Variants in NPHS2 observed in about 807,000 individuals in gnomAD.
NPHS2 encodes NPHS2 stomatin family member, podocin.
Under a neutral mutation model 37.1 loss-of-function variants are expected in NPHS2, and 36 were observed. The ratio of observed to expected loss-of-function variants is 0.97; its 90% CI spans 0.74 to 1.28. NPHS2 has a LOEUF of 1.28. NPHS2 is among the 50% of genes most tolerant of loss of function. NPHS2 has a pLI of 0.00. For synonymous variants in NPHS2, 196 were observed against 189.3 expected, an observed-to-expected ratio of 1.04 and a Z score of -0.29; for missense variants, 447 against 488.1, an observed-to-expected ratio of 0.92 and a Z score of 0.79.
chr1:179,564,543 G>T, intron 2 of NPHS2, 147 bp downstream of exon 2: 1 of 741,648 alleles, frequency 1.3e-6, no homozygotes, highest in Non-Finnish European at 2.4e-6. Context: ...GGTCTTGGAG[G>T]AGTAAGCTAT....
chr1:179,560,701 C>T (rs1674104060), intron 3 of NPHS2, among the ~76,000 whole-genome samples: 1 of 152,128 alleles, frequency 6.6e-6, no homozygotes, highest in Non-Finnish European at 1.5e-5. Context: ...ACCCCCACTA[C>T]TAAACCTTTC....
rs12240233 is a variant in NPHS2, at chr1:179,561,315, A to G, written c.425T>C (p.Leu142Pro). Residue 142 changes from leucine to proline, a missense_variant, in exon 3 of 8, where the codon CTG (leucine) becomes CCG (proline). Transcript: ENST00000367615. ...ERVIIFRLGH[L>P]LPGRAKGPGL... is the part of the protein sequence containing the mutation. Reference sequence around the variant, plus strand: ...AGGGCCTTTGGCTCTTCCAGGAAGCAGATGTCCCAGTCGGAATATAATTAC... The same window carrying G: ...AGGGCCTTTGGCTCTTCCAGGAAGCGGATGTCCCAGTCGGAATATAATTAC... 2 of 1,613,574 alleles carry G rather than the reference A, an allele frequency of 1.2e-6. No individual in the cohort carries two copies. Among genetic ancestry groups the G allele is most frequent in the Non-Finnish European group, 1.7e-6 (2 of 1,179,494 alleles).
chr1:179,566,713 C>A (rs1417860008), intron 1 of NPHS2, among the ~76,000 whole-genome samples: 1 of 152,162 alleles, frequency 6.6e-6, no homozygotes, highest in Non-Finnish European at 1.5e-5. Flanking sequence ...ACATTTATGT[C>A]TTTAAACCAT....
chr1:179,557,042 G>C lies in NPHS2; in HGVS notation c.723C>G (p.Ile241Met). ...ATCTAAGTACCTTTGCATCTTGGGC[G>C]ATGCTCTTCCTCTCTAGAAGAATTT... is the stretch of plus-strand genomic sequence containing the variant. ...LTEILLERKS[I>M]AQDAKVALDS... is the part of the protein sequence containing the mutation. Residue 241 changes from isoleucine to methionine, a missense_variant, in exon 5 of 8, where the codon ATC (isoleucine) becomes ATG (methionine). Physicochemically the swap from Ile to Met is conservative, Grantham distance 10. Transcript: ENST00000367615. The C allele has an allele frequency of 6.2e-7, 1 of 1,613,600 alleles. No homozygotes were observed. The highest frequency in any genetic ancestry group is 1.1e-5 in the South Asian group (1 of 91,024).
At chr1:179,558,092 T>TA (rs1171667360) in intron 4 of NPHS2, among the ~76,000 whole-genome samples, 1 of 152,146 alleles carries the variant, frequency 6.6e-6, no homozygotes, top group Non-Finnish European at 1.5e-5. Flanking sequence ...CCATAAAACT[T>TA]ACCATCTTAA....
chr1:179,555,059 A>G (rs577385813), intron 5 of NPHS2, among the ~76,000 whole-genome samples: 13 of 152,324 alleles, frequency 8.5e-5, no homozygotes, highest in African/African-American at 3.1e-4. Context: ...GGAAAAGGCA[A>G]GGAAACGGAT....
chr1:179,554,605 A>G, intron 5 of NPHS2, 74 bp from the exon 6 acceptor site: 1 of 1,593,290 alleles, frequency 6.3e-7, no homozygotes, highest in Non-Finnish European at 8.6e-7. Context: ...CCTGGTGGCC[A>G]TTGTTCTGTA....
chr1:179,558,432 A>G (rs766490396), intron 4 of NPHS2, among the ~76,000 whole-genome samples: 44 of 152,328 alleles, frequency 2.9e-4, no homozygotes, highest in Middle Eastern at 3.4e-3. Context: ...TTAAGGCCGA[A>G]TAATGTTCCA....
chr1:179,552,416 G>A, intron 7 of NPHS2, 187 bp downstream of exon 7: 1 of 636,516 alleles, frequency 1.6e-6, no homozygotes, highest in Non-Finnish European at 2.9e-6. Flanking sequence ...TTCAGAGAGG[G>A]AGAGGAGTTG....
chr1:179,553,428 G>C (rs1046093287), intron 6 of NPHS2, among the ~76,000 whole-genome samples: 1 of 152,208 alleles, frequency 6.6e-6, no homozygotes, highest in African/African-American at 2.4e-5. Flanking sequence ...ATCATAAAAA[G>C]TAATGAAGTA....
At position 179,554,513 on chromosome 1, in the gene NPHS2, T is replaced by C. The variant is rs1375196118; in HGVS notation, c.757A>G (p.Thr253Ala). ...QDAKVALDSVTCIWGIKVERI... is the reference protein window; with the variant it reads ...QDAKVALDSVACIWGIKVERI... ...TCCACTTTGATTCCCCAAATACAGGTCACTGAATCCAAGGCAACCTGTGGA... is the reference window on the plus strand; with the variant it reads ...TCCACTTTGATTCCCCAAATACAGGCCACTGAATCCAAGGCAACCTGTGGA... The change falls in exon 6 of 8, where the codon ACC becomes GCC. Residue 253 changes from threonine (T) to alanine (A), a missense_variant. Thr to Ala is a moderately conservative substitution (Grantham distance 58). Coordinates refer to ENST00000367615, the MANE Select transcript of NPHS2 (RefSeq NM_014625.4). 1.2e-6 allele frequency: 2 copies of C among 1,614,076 alleles called. No individual in the cohort carries two copies. The highest frequency in any genetic ancestry group is 1.7e-6 in the Non-Finnish European group (2 of 1,180,030).
At chr1:179,573,278 CA>C (rs1674631595) in intron 1 of NPHS2, among the ~76,000 whole-genome samples, 1 of 152,164 alleles carries the variant, frequency 6.6e-6, no homozygotes. Flanking sequence ...TGCACCAGCA[CA>C]AAAACAAAAT....
In NPHS2 at chr1:179,564,674, C is replaced by T. The variant is rs1337133366; in HGVS notation, c.378+16G>A. 2.5e-6 allele frequency: 4 copies of T among 1,605,054 alleles called. No individual in the cohort carries two copies. The highest frequency in any genetic ancestry group is 3.4e-6 in the Non-Finnish European group (4 of 1,171,900). On this transcript the variant is annotated intron_variant, in intron 2 of 7. Coordinates refer to ENST00000367615, the MANE Select transcript of NPHS2 (RefSeq NM_014625.4). ...GGCCTCAGGAAATTACCTATTGGGT[C>T]CTTATGGAATCTCACCTTTACGCAG...
At chr1:179,568,203 G>A (rs10913819) in intron 1 of NPHS2, among the ~76,000 whole-genome samples, 21 of 152,036 alleles carry the variant, frequency 1.4e-4, no homozygotes, top group African/African-American at 4.8e-4. Flanking sequence ...TTGGTTGGTA[G>A]GCTATTATTT....
chr1:179,553,937 G>A (rs7546703), intron 6 of NPHS2, among the ~76,000 whole-genome samples: 24,069 of 140,020 alleles, frequency 0.17, 2,306 homozygotes, highest in Middle Eastern at 0.27. Flanking sequence ...TTTTGAGATC[G>A]AGTCTCGCTC....
intron 6 of NPHS2, among the ~76,000 whole-genome samples, chr1:179,554,071 C>G (rs1462247601): frequency 6.6e-6 from 1 of 152,100 alleles, no homozygotes; most frequent in Admixed American, 6.6e-5. Flanking sequence ...TGCTACCACG[C>G]CCAGCTAATT....
In NPHS2 at chr1:179,575,704, G is replaced by C. The variant is rs1400380943; in HGVS notation, c.161C>G (p.Pro54Arg). Reference sequence around the variant, plus strand: ...GGCGGCGGGCGCTCGGGGCTCCCCCGGGGTCCCCGCCCGTCCGGAGCCCGA... The same window carrying C: ...GGCGGCGGGCGCTCGGGGCTCCCCCCGGGTCCCCGCCCGTCCGGAGCCCGA... ...EPSGSGRAGT[P>R]GEPRAPAATV... The change falls in exon 1 of 8, where the codon CCG becomes CGG. Residue 54 changes from proline (P) to arginine (R), a missense_variant. By Grantham distance (103) the Pro-to-Arg change is moderately radical. Coordinates refer to ENST00000367615, the MANE Select transcript of NPHS2 (RefSeq NM_014625.4). 4 of 1,572,312 alleles carry C rather than the reference G, an allele frequency of 2.5e-6. No individual in the cohort carries two copies. The highest frequency in any genetic ancestry group is 3.4e-6 in the Non-Finnish European group (4 of 1,164,912).
intron 5 of NPHS2, among the ~76,000 whole-genome samples, chr1:179,555,427 C>T (rs1281709931): frequency 2.0e-5 from 3 of 152,156 alleles, no homozygotes; most frequent in Admixed American, 6.6e-5. Context: ...GGAAGAAAAT[C>T]GACTGTGGAT....
chr1:179,568,709 C>T (rs1171674024), intron 1 of NPHS2, among the ~76,000 whole-genome samples: 1 of 152,200 alleles, frequency 6.6e-6, no homozygotes, highest in African/African-American at 2.4e-5. Context: ...TTTTCCTCTA[C>T]ATCCTGCTTT....
Sources: gnomAD v4.1 joint callset for allele counts (sites outside exome capture counted in the v4.1 genomes callset) on GRCh38, gnomAD v4.1.1 for gene constraint, MANE v1.5 for transcripts, NCBI Gene and HGNC (gene_info 2026-07-23, HGNC 2026-07-21) for gene names.